The following TXLNB variants were observed in gnomAD, a reference collection of about 807,000 sequenced individuals.
The protein encoded by TXLNB is taxilin beta.
A neutral mutation model predicts 57.4 loss-of-function variants in TXLNB; 37 were observed. The ratio of observed to expected loss-of-function variants is 0.64; its 90% CI spans 0.50 to 0.85. The LOEUF is 0.85. Ranked by LOEUF, TXLNB falls within the 40% of genes least tolerant of loss-of-function variation. The pLI, the probability that TXLNB is intolerant of heterozygous loss-of-function variation, is 0.00. For synonymous variants in TXLNB, 302 were observed against 309.6 expected (o/e 0.98, Z 0.26); for missense variants, 848 against 825.6 (o/e 1.03, Z -0.33).
At chr6:139,314,500 C>T in the TXLNB span, among the ~76,000 whole-genome samples, 1 of 152,208 alleles carries the variant, frequency 6.6e-6, no homozygotes, top group African/African-American at 2.4e-5. Flanking sequence ...CAATGTCTAC[C>T]TTACATGCAC....
downstream of TXLNB, among the ~76,000 whole-genome samples, chr6:139,236,628 G>A (rs1013355243): frequency 2.0e-5 from 3 of 152,162 alleles, no homozygotes; most frequent in Non-Finnish European, 4.4e-5. Flanking sequence ...AGTGAGTCGA[G>A]CCTCTTTCCT....
intron 2 of TXLNB, among the ~76,000 whole-genome samples, chr6:139,280,629 C>T (rs1212511812): frequency 6.6e-6 from 1 of 152,114 alleles, no homozygotes; most frequent in Non-Finnish European, 1.5e-5. Flanking sequence ...GGGGACAGAG[C>T]GAGACTCCAT....
the TXLNB span, among the ~76,000 whole-genome samples, chr6:139,191,104 A>T: frequency 6.6e-6 from 1 of 150,590 alleles, no homozygotes; most frequent in East Asian, 2.0e-4. Context: ...ATGAAGTTTA[A>T]TTTTTTTTTT....
At chr6:139,280,251 TAAAA>T (rs11313271) in intron 2 of TXLNB, among the ~76,000 whole-genome samples, 19 of 78,216 alleles carry the variant, frequency 2.4e-4, no homozygotes, top group African/African-American at 8.0e-4. Flanking sequence ...ACTCTCTCTC[TAAAA>T]AAAAAAAAAA....
chr6:139,199,677 G>T, the TXLNB span, among the ~76,000 whole-genome samples: 1 of 152,188 alleles, frequency 6.6e-6, no homozygotes, highest in Non-Finnish European at 1.5e-5. Context: ...GTGGTGATGG[G>T]ATCAGAGTGA....
Position 139,243,084 on chromosome 6 carries a change from G to A in TXLNB, c.1497C>T (p.Ala499=), listed in dbSNP as rs747605187. The change falls in exon 10 of 10, where the codon GCC becomes GCT. Residue 499 remains alanine, a synonymous_variant. Coordinates refer to ENST00000358430, the MANE Select transcript of TXLNB (RefSeq NM_153235.4). The part of the protein sequence containing the change: ...DAEEVNSVQT[A]VKNLATAFMI... ...TGAAGGCTGTGGCCAGATTTTTCACGGCGGTTTGGACACTATTAACCTCCT... is the reference window on the plus strand; with the variant it reads ...TGAAGGCTGTGGCCAGATTTTTCACAGCGGTTTGGACACTATTAACCTCCT... 1.1e-5 allele frequency: 17 copies of A among 1,614,028 alleles called. No homozygotes were observed. In the African/African-American group the frequency reaches 1.2e-4, roughly 11 times the overall value.
chr6:139,164,048 T>TCACA, the TXLNB span, among the ~76,000 whole-genome samples: 3 of 142,644 alleles, frequency 2.1e-5, no homozygotes, highest in East Asian at 1.9e-4. Context: ...GCATGGACTC[T>TCACA]CACACACACA....
At chr6:139,212,802 AAAC>A in the TXLNB span, among the ~76,000 whole-genome samples, 3 of 152,198 alleles carry the variant, frequency 2.0e-5, no homozygotes, top group Admixed American at 6.5e-5. Flanking sequence ...AGCAAATAGA[AAAC>A]AAAAAAAGGC....
chr6:139,213,255 A>C, the TXLNB span, among the ~76,000 whole-genome samples: 1 of 152,242 alleles, frequency 6.6e-6, no homozygotes, highest in Non-Finnish European at 1.5e-5. Flanking sequence ...AATGTAAAAG[A>C]ACAGAAATTA....
the TXLNB span, among the ~76,000 whole-genome samples, chr6:139,321,069 C>T: frequency 6.6e-6 from 1 of 152,204 alleles, no homozygotes; most frequent in Non-Finnish European, 1.5e-5. Context: ...CATGTTCTTT[C>T]AGACACTATT....
the TXLNB span, among the ~76,000 whole-genome samples, chr6:139,307,996 G>A: frequency 8.4e-5 from 5 of 59,842 alleles, no homozygotes; most frequent in South Asian, 5.8e-4. Flanking sequence ...TTCTGCATGC[G>A]AGATTTCAGA....
intron 2 of TXLNB, among the ~76,000 whole-genome samples, chr6:139,280,108 C>A (rs1192435162): frequency 6.6e-6 from 1 of 151,972 alleles, no homozygotes; most frequent in Non-Finnish European, 1.5e-5. Context: ...CAAAAATTAG[C>A]TGGTGTCGTG....
chr6:139,260,487 A>C (rs1265174548), intron 5 of TXLNB, 50 bp from the exon 6 acceptor site: 10 of 1,580,224 alleles, frequency 6.3e-6, no homozygotes, highest in Admixed American at 1.8e-5. Context: ...ATTGGTGCTT[A>C]AAAATGCAAA....
At chr6:139,280,272 A>AAAAGAAAG (rs1375130351) in intron 2 of TXLNB, among the ~76,000 whole-genome samples, 4 of 145,354 alleles carry the variant, frequency 2.8e-5, no homozygotes, top group African/African-American at 8.3e-5. Context: ...AAAAAAAAAA[A>AAAAGAAAG]AAAGAAAGAA....
At chr6:139,232,082 C>T in the TXLNB span, among the ~76,000 whole-genome samples, 2 of 152,028 alleles carry the variant, frequency 1.3e-5, no homozygotes, top group Admixed American at 6.6e-5. Context: ...AAGAACTGCC[C>T]AAGACTAGGT....
the TXLNB span, among the ~76,000 whole-genome samples, chr6:139,171,847 T>G: frequency 6.5e-4 from 99 of 152,048 alleles, no homozygotes; most frequent in Admixed American, 1.9e-3. Flanking sequence ...TTTTTTTTTT[T>G]TGTGACGGGG....
chr6:139,216,759 T>A, the TXLNB span, among the ~76,000 whole-genome samples: 40 of 152,192 alleles, frequency 2.6e-4, no homozygotes, highest in African/African-American at 9.4e-4. Context: ...GTGAAGTAAC[T>A]CAGGAATGAA....
the TXLNB span, among the ~76,000 whole-genome samples, chr6:139,297,578 C>T: frequency 5.3e-5 from 8 of 152,068 alleles, no homozygotes; most frequent in Non-Finnish European, 8.8e-5. Flanking sequence ...AAGTAGCTTC[C>T]ACGTGAATTC....
At chr6:139,197,398 T>C in the TXLNB span, among the ~76,000 whole-genome samples, 1 of 152,198 alleles carries the variant, frequency 6.6e-6, no homozygotes, top group African/African-American at 2.4e-5. Flanking sequence ...TCCCAGTATC[T>C]GGAGTAGTAC....
Sources: gnomAD v4.1 joint callset for allele counts (sites outside exome capture counted in the v4.1 genomes callset) on GRCh38, gnomAD v4.1.1 for gene constraint, MANE v1.5 for transcripts, NCBI Gene and HGNC (gene_info 2026-07-23, HGNC 2026-07-21) for gene names.